The following NT5C2 variants were observed in gnomAD, a reference collection of about 807,000 sequenced individuals.
NT5C2 encodes the protein 5'-nucleotidase, cytosolic II, also known as cytosolic purine 5'-nucleotidase.
A neutral mutation model predicts 76.1 loss-of-function variants in NT5C2; 58 were observed. The observed-to-expected ratio is 0.76, with a 90% CI of 0.62 to 0.95. The LOEUF (loss-of-function observed/expected upper bound fraction) is 0.95, where lower values mean the gene tolerates loss of function less well. Ranked by LOEUF, NT5C2 falls within the 40% of genes least tolerant of loss-of-function variation. The pLI is 0.00. For synonymous variants in NT5C2, 229 were observed against 237.4 expected (o/e 0.96, Z 0.32); for missense variants, 478 against 690.3 (o/e 0.69, Z 3.45).
At chr10:103,179,743 G>T (rs2090731785) in intron 2 of NT5C2, among the ~76,000 whole-genome samples, 4 of 152,110 alleles carry the variant, frequency 2.6e-5, no homozygotes, top group Admixed American at 2.6e-4. Flanking sequence ...ACCTACTACA[G>T]GGTTGGCATA....
At chr10:103,109,617 A>T (rs2072394704) in intron 4 of NT5C2, among the ~76,000 whole-genome samples, 1 of 152,144 alleles carries the variant, frequency 6.6e-6, no homozygotes, top group African/African-American at 2.4e-5. Flanking sequence ...TCAATTGTTA[A>T]TTTTTTCAGA....
rs2067339812 is a variant in NT5C2 at position 103,093,161 on chromosome 10, T to C, written c.1137A>G (p.Leu379=). 6 of 1,608,196 alleles carry C rather than the reference T, an allele frequency of 3.7e-6. No individual in the cohort carries two copies. The highest frequency in any genetic ancestry group is 5.1e-6 in the Non-Finnish European group (6 of 1,177,690). ...TACAACTCTTGTCAGTCCAGACATG[T>C]AGCTCCTGTGCGAGTTCAGGAATCA... ...FLVIPELAQE[L]HVWTDKSSLF... is the part of the protein sequence containing the mutation. The change falls in exon 15 of 19, where the codon CTA becomes CTG. Residue 379 remains leucine, a synonymous_variant. Transcript: ENST00000404739.
rs541540357 is a variant in NT5C2 at position 103,175,782 on chromosome 10, G to A, written c.-24-800C>T. On this transcript the variant is annotated intron_variant, in intron 2 of 18. Transcript: ENST00000404739. ...CCCCTATCCAGGGTGCTGAGGCCAA[G>A]GGGGCAGTCTCCCCTAATAAGTTCT... 4.9e-5 allele frequency: 12 copies of A among 242,820 alleles called. No individual in the cohort carries two copies. The South Asian group carries it at 9.4e-4, about 19-fold the overall frequency. The allele number at this position is 242,820 out of a possible 1,614,324, so 15.0% of individuals were successfully genotyped here.
intron 4 of NT5C2, among the ~76,000 whole-genome samples, chr10:103,136,391 AGATGTG>A (rs1279010389): frequency 4.6e-5 from 7 of 152,232 alleles, no homozygotes; most frequent in Admixed American, 1.3e-4. Context: ...ATTAAATAAC[AGATGTG>A]AATGACAGAA....
chr10:103,114,426 T>A (rs1417771103), intron 4 of NT5C2, among the ~76,000 whole-genome samples: 1 of 151,476 alleles, frequency 6.6e-6, no homozygotes, highest in Non-Finnish European at 1.5e-5. Context: ...AATAAATAAA[T>A]AAAAAATAAA....
At chr10:103,095,371 G>T (rs1429479352) in intron 12 of NT5C2, among the ~76,000 whole-genome samples, 1 of 152,184 alleles carries the variant, frequency 6.6e-6, no homozygotes, top group Non-Finnish European at 1.5e-5. Flanking sequence ...ACAGGGATTT[G>T]CTGATGTTTA....
Position 103,089,678 on chromosome 10 carries a change from T to TTTC in NT5C2, c.1679_1680insGAA (p.Glu560_Glu561insLys). 6.4e-7 allele frequency: 1 copy of TTTC among 1,560,016 alleles called. No homozygotes were observed. Among genetic ancestry groups the TTTC allele is most frequent in the Non-Finnish European group, 8.8e-7 (1 of 1,141,652 alleles). On this transcript the variant is annotated inframe_insertion, in exon 19 of 19. Transcript: ENST00000404739. ...GGGGTTTTGGTTTTCCTCCTTATTC[T>TTTC]TCCTCCTCCTCCTCCTCTTCATCAT...
rs1226939966 is a variant in NT5C2, at chr10:103,150,240, G to A, written c.102-10761C>T. Among the ~76,000 whole-genome samples, 5 of 152,248 alleles carry A rather than the reference G, an allele frequency of 3.3e-5. No individual in the cohort carries two copies. In the East Asian group the frequency reaches 9.6e-4, roughly 29 times the overall value. On this transcript the variant is annotated intron_variant, in intron 3 of 18. Coordinates refer to ENST00000404739, the MANE Select transcript of NT5C2 (RefSeq NM_001351169.2). ...AATACCCTCCCCAGCCCTTGGCCCT[G>A]AGCTACCACTAGTACTTTCTGTCAC...
chr10:103,147,897 G>A (rs772421354), intron 3 of NT5C2, among the ~76,000 whole-genome samples: 10 of 152,052 alleles, frequency 6.6e-5, no homozygotes, highest in Non-Finnish European at 1.2e-4. Flanking sequence ...TTAGATAGCG[G>A]TATTGGTTGC....
intron 4 of NT5C2, among the ~76,000 whole-genome samples, chr10:103,115,589 C>G (rs1424842916): frequency 6.6e-6 from 1 of 152,176 alleles, no homozygotes; most frequent in Non-Finnish European, 1.5e-5. Flanking sequence ...TTCTTTCTAT[C>G]ACTTACCATG....
intron 3 of NT5C2, among the ~76,000 whole-genome samples, chr10:103,151,298 C>A (rs12774840): frequency 1.3e-5 from 2 of 151,960 alleles, no homozygotes; most frequent in Non-Finnish European, 2.9e-5. Flanking sequence ...AATCCTGTCT[C>A]TACTAAAAAT....
Position 103,094,541 on chromosome 10 carries a change from TAA to T in NT5C2, c.814-88_814-87del. ...TAATCTCACTCAGATGCAAGGAATA[TAA>T]AAATACTAAGTATAGCCAGAAGATC... On this transcript the variant is annotated intron_variant, in intron 12 of 18. Transcript: ENST00000404739. The T allele has an allele frequency of 6.8e-6, 5 of 733,236 alleles. No individual in the cohort carries two copies. The South Asian group carries it at 7.7e-5, about 11-fold the overall frequency. 45.4% of individuals were successfully genotyped at this position (733,236 alleles called of 1,614,324 possible).
At chr10:103,155,594 A>T (rs2083208517) in intron 3 of NT5C2, among the ~76,000 whole-genome samples, 1 of 152,140 alleles carries the variant, frequency 6.6e-6, no homozygotes, top group Non-Finnish European at 1.5e-5. Context: ...ATGTGTGAAT[A>T]AAAACAAAGC....
At chr10:103,091,975 A>G (rs559904609) in intron 15 of NT5C2, among the ~76,000 whole-genome samples, 1 of 152,344 alleles carries the variant, frequency 6.6e-6, no homozygotes, top group East Asian at 1.9e-4. Flanking sequence ...TTTTCAGATG[A>G]AAGATTGAGA....
At chr10:103,168,590 A>G (rs901129534) in intron 3 of NT5C2, among the ~76,000 whole-genome samples, 2 of 152,332 alleles carry the variant, frequency 1.3e-5, no homozygotes, top group Middle Eastern at 3.4e-3. Flanking sequence ...TCTTCTAACC[A>G]TATAGCAAAA....
intron 6 of NT5C2, chr10:103,105,485 T>G: frequency 5.3e-6 from 3 of 561,150 alleles, no homozygotes; most frequent in Non-Finnish European, 9.0e-6. Context: ...GTATGCTGTA[T>G]AATTGGAAGG....
At chr10:103,183,144 C>A (rs1203988322) in intron 1 of NT5C2, among the ~76,000 whole-genome samples, 1 of 151,422 alleles carries the variant, frequency 6.6e-6, no homozygotes, top group Non-Finnish European at 1.5e-5. Context: ...AACAGTGTCA[C>A]CTATAACTCA....
At chr10:103,118,771 A>G (rs1035595341) in intron 4 of NT5C2, among the ~76,000 whole-genome samples, 1 of 151,784 alleles carries the variant, frequency 6.6e-6, no homozygotes, top group Non-Finnish European at 1.5e-5. Flanking sequence ...ATTTATTTTT[A>G]TTAATTTTAT....
At chr10:103,169,562 T>C (rs1689515912) in intron 3 of NT5C2, 1 of 152,210 alleles carries the variant, frequency 6.6e-6, no homozygotes, top group African/African-American at 2.4e-5. Flanking sequence ...AAGGCTATAG[T>C]GAGCCATGAT....
Sources: allele counts gnomAD v4.1 joint callset (sites outside exome capture counted in the v4.1 genomes callset), GRCh38; gene constraint gnomAD v4.1.1; transcripts MANE v1.5; gene names NCBI Gene and HGNC (gene_info 2026-07-23, HGNC 2026-07-21).